VPS13D: variants seen among roughly 807,000 people sequenced by gnomAD.
The protein encoded by VPS13D is vacuolar protein sorting 13 homolog D, also known as intermembrane lipid transfer protein VPS13D.
A neutral mutation model predicts 461.9 loss-of-function variants in VPS13D; 187 were observed. The ratio of observed to expected loss-of-function variants is 0.40; its 90% confidence interval spans 0.36 to 0.46. The LOEUF (loss-of-function observed/expected upper bound fraction) is 0.46. Among genes scored for constraint, VPS13D ranks in the 20% least tolerant of loss-of-function variants. The pLI, the probability that VPS13D is intolerant of heterozygous loss-of-function variation, is 0.60. For synonymous variants in VPS13D, 1,951 were observed against 1,986.3 expected (o/e 0.98, Z 0.47); for missense variants, 4,711 against 5,364.9 (o/e 0.88, Z 3.81).
At chr1:12,345,635 G>A (rs1173100988) in intron 43 of VPS13D, 126 bp downstream of exon 43, 13 of 1,310,960 alleles carry the variant, frequency 9.9e-6, no homozygotes, top group East Asian at 2.4e-5. Flanking sequence ...GGACTGACTG[G>A]GTCAGTCATA....
intron 67 of VPS13D, among the ~76,000 whole-genome samples, chr1:12,474,492 A>T (rs1645604206): frequency 7.7e-6 from 1 of 129,508 alleles, no homozygotes; most frequent in African/African-American, 2.7e-5. Context: ...TAGGTCTGTT[A>T]AAAAAAAAAA....
intron 35 of VPS13D, among the ~76,000 whole-genome samples, chr1:12,326,831 G>A (rs1643202959): frequency 6.6e-6 from 1 of 151,960 alleles, no homozygotes; most frequent in African/African-American, 2.4e-5. Context: ...TTTTAGTAGA[G>A]GCGGGGTTTC....
intron 66 of VPS13D, 95 bp downstream of exon 66, chr1:12,456,225 TG>T: frequency 6.8e-7 from 1 of 1,468,562 alleles, no homozygotes; most frequent in Non-Finnish European, 9.0e-7. Context: ...AAAGGTGGGC[TG>T]GGCGCGGTGG....
Position 12,356,502 on chromosome 1 carries a change from G to A in VPS13D, c.9976G>A (p.Ala3326Thr). ...CCTGAGTCCTCTCTTATTCTGCTAT[G>A]CTGACAAAGAGCAGCCAAACCTGTG... ...RSLSPLLFCY[A>T]DKEQPNLCTM... Residue 3326 changes from alanine to threonine, a missense_variant, in exon 49 of 70, where the codon GCT becomes ACT. Ala to Thr is a moderately conservative substitution (Grantham distance 58, BLOSUM62 0). This residue lies in a region of VPS13D where 4,411 missense variants were observed against 4,937.8 expected (regional missense o/e 0.89). Coordinates refer to ENST00000620676, the MANE Select transcript of VPS13D (RefSeq NM_015378.4). 6.2e-7 allele frequency: 1 copy of A among 1,613,886 alleles called. No homozygotes were observed. Among genetic ancestry groups the A allele is most frequent in the Non-Finnish European group, 8.5e-7 (1 of 1,179,952 alleles).
In VPS13D at chr1:12,429,541, C is replaced by T. The variant is rs1328860117; in HGVS notation, c.12333+12714C>T. Among the ~76,000 whole-genome samples, 3 of 152,230 alleles carry T rather than the reference C, an allele frequency of 2.0e-5. No homozygotes were observed. In the South Asian group the frequency reaches 6.2e-4, roughly 32 times the overall value. The stretch of plus-strand genomic sequence containing the variant: ...TCTTGACCTCAGCTGATCCACCCAC[C>T]TCGGCCTCCCAAAGTGCTGGCATTA... On this transcript the variant is annotated intron_variant, in intron 65 of 69. Coordinates refer to ENST00000620676, the MANE Select transcript of VPS13D (RefSeq NM_015378.4).
At chr1:12,268,413 G>A (rs1200194447) in intron 15 of VPS13D, among the ~76,000 whole-genome samples, 1 of 151,998 alleles carries the variant, frequency 6.6e-6, no homozygotes, top group African/African-American at 2.4e-5. Flanking sequence ...AGACAGCCTG[G>A]TCCTCTCTCA....
rs201465353 is a variant in VPS13D, at chr1:12,262,099, A to C, written c.1594+19A>C. On this transcript the variant is annotated intron_variant, in intron 13 of 69. Coordinates refer to ENST00000620676, the MANE Select transcript of VPS13D (RefSeq NM_015378.4). ...TTTTCAGGTACACTGCCCCCAAGAA[A>C]CTACCTGCCACTGTTGTCTCTCTGT... The C allele has an allele frequency of 2.5e-6, 4 of 1,585,868 alleles. No individual in the cohort carries two copies. Among genetic ancestry groups the C allele is most frequent in the South Asian group, 1.1e-5 (1 of 87,724 alleles).
chr1:12,292,011 C>A (rs192795407), intron 23 of VPS13D, among the ~76,000 whole-genome samples: 2 of 152,276 alleles, frequency 1.3e-5, no homozygotes, highest in African/African-American at 4.8e-5. Flanking sequence ...GTAATCCCAG[C>A]ACTCTGGGAG....
intron 23 of VPS13D, among the ~76,000 whole-genome samples, chr1:12,291,618 G>A (rs1361390476): frequency 6.6e-6 from 1 of 152,012 alleles, no homozygotes; most frequent in East Asian, 1.9e-4. Flanking sequence ...GGGGGGCCTT[G>A]TCTCAACACA....
chr1:12,275,944 A>G lies in VPS13D; in HGVS notation c.2356A>G (p.Ser786Gly), dbSNP rs767284495. 1 of 1,614,074 alleles carries G rather than the reference A, an allele frequency of 6.2e-7. No homozygotes were observed. Among genetic ancestry groups the G allele is most frequent in the Non-Finnish European group, 8.5e-7 (1 of 1,180,016 alleles). Residue 786 changes from serine to glycine, a missense_variant, in exon 19 of 70, where the codon AGC becomes GGC. By Grantham distance (56) the Ser-to-Gly change is moderately conservative. This residue lies in a region of VPS13D where 4,411 missense variants were observed against 4,937.8 expected (regional missense o/e 0.89). Coordinates refer to ENST00000620676, the MANE Select transcript of VPS13D (RefSeq NM_015378.4). ...PNTPPPESSS[S>G]NGEKTPPFSG... ...CACCCCACCTCCCGAGTCAAGCAGC[A>G]GCAACGGAGAGAAAACACCTCCCTT...
At chr1:12,467,341 C>T (rs555552964) in intron 67 of VPS13D, among the ~76,000 whole-genome samples, 2 of 152,130 alleles carry the variant, frequency 1.3e-5, no homozygotes, top group East Asian at 3.9e-4. Flanking sequence ...CCAGCTAATT[C>T]TTATATTTTT....
rs1413893503 is a variant in VPS13D at position 12,277,217 on chromosome 1, C to T, written c.3629C>T (p.Thr1210Met). ...GTKVNVSMGS[T>M]FDMNGSLGCL... ...AAAGTTAATGTCTCAATGGGTAGCACGTTTGACATGAATGGTTCTCTTGGC... is the reference window on the plus strand; with the variant it reads ...AAAGTTAATGTCTCAATGGGTAGCATGTTTGACATGAATGGTTCTCTTGGC... The change falls in exon 19 of 70, where the codon ACG becomes ATG. Residue 1210 changes from threonine (T) to methionine (M), a missense_variant. Physicochemically the swap from Thr to Met is moderately conservative, Grantham distance 81. Transcript: ENST00000620676. The T allele has an allele frequency of 6.2e-6, 10 of 1,614,048 alleles. No homozygotes were observed. The highest frequency in any genetic ancestry group is 1.7e-5 in the Admixed American group (1 of 59,990).
At chr1:12,291,645 C>G (rs1349938205) in intron 23 of VPS13D, among the ~76,000 whole-genome samples, 1 of 152,070 alleles carries the variant, frequency 6.6e-6, no homozygotes, top group Non-Finnish European at 1.5e-5. Flanking sequence ...CACACCCACC[C>G]CAGATAGGGT....
At chr1:12,315,504 C>T (rs1014900199) in intron 30 of VPS13D, among the ~76,000 whole-genome samples, 2 of 152,198 alleles carry the variant, frequency 1.3e-5, no homozygotes, top group Non-Finnish European at 1.5e-5. Flanking sequence ...TTTAGCTACG[C>T]TCAGTATAAT....
chr1:12,303,868 C>T (rs1301241756), intron 25 of VPS13D, among the ~76,000 whole-genome samples: 2 of 152,174 alleles, frequency 1.3e-5, no homozygotes, highest in Admixed American at 6.5e-5. Flanking sequence ...AGCAGTTAAC[C>T]GAATGAAGGT....
chr1:12,299,462 A>G lies in VPS13D; in HGVS notation c.6216+78A>G. 6.8e-7 allele frequency: 1 copy of G among 1,474,032 alleles called. No homozygotes were observed. 91.3% of individuals were successfully genotyped at this position (1,474,032 alleles called of 1,614,324 possible). A position where few individuals can be genotyped will look rare whatever the true frequency, so the allele number is the denominator to read the frequency against. ...ATTGAAAAATTTGTATGCTGCTGTAAGATGATCCATAATTGCTATTACTTT... is the reference window on the plus strand; with the variant it reads ...ATTGAAAAATTTGTATGCTGCTGTAGGATGATCCATAATTGCTATTACTTT... On this transcript the variant is annotated intron_variant, in intron 25 of 69. Coordinates refer to ENST00000620676, the MANE Select transcript of VPS13D (RefSeq NM_015378.4). The surrounding 1 kb of genome is among the most constrained non-coding windows in gnomAD (Gnocchi z 4.2).
intron 65 of VPS13D, among the ~76,000 whole-genome samples, chr1:12,422,727 G>A (rs773101359): frequency 1.3e-5 from 2 of 152,046 alleles, no homozygotes; most frequent in Non-Finnish European, 2.9e-5. Flanking sequence ...ATTGTCTTCT[G>A]TATGTTAAGC....
intron 13 of VPS13D, among the ~76,000 whole-genome samples, chr1:12,264,558 C>T (rs1641208298): frequency 6.6e-6 from 1 of 152,260 alleles, no homozygotes; most frequent in Non-Finnish European, 1.5e-5. Context: ...AAAGCAGCCA[C>T]AGCCTTTCCT....
chr1:12,271,301 A>C (rs1641433252), intron 17 of VPS13D, among the ~76,000 whole-genome samples, 177 bp downstream of exon 17: 3 of 152,188 alleles, frequency 2.0e-5, no homozygotes, highest in African/African-American at 7.2e-5. Context: ...TTTTATAGTC[A>C]GGGTTTAGCT....
Sources: gnomAD v4.1 joint callset for allele counts (sites outside exome capture counted in the v4.1 genomes callset) on GRCh38, gnomAD v4.1.1 for gene constraint, gnomAD v4.1.1 regional missense constraint, Gnocchi (gnomAD v3.1) non-coding constraint, MANE v1.5 for transcripts, NCBI Gene and HGNC (gene_info 2026-07-23, HGNC 2026-07-21) for gene names.